Variants in GPR39 observed in about 807,000 individuals in gnomAD.
GPR39 encodes the protein zinc sensing receptor.
A neutral mutation model predicts 18.4 loss-of-function variants in GPR39; 23 were observed. That is an observed-to-expected ratio of 1.25 (90% CI 0.90 to 1.77). The LOEUF (loss-of-function observed/expected upper bound fraction) is 1.77. Among genes scored for constraint, GPR39 ranks in the 40% most tolerant of loss-of-function variants. The probability of loss-of-function intolerance (pLI) is 0.00; values close to 1 mark genes in which losing one functional copy is unlikely to be tolerated. For synonymous variants in GPR39, 280 were observed against 257.9 expected (o/e 1.09, Z -0.82); for missense variants, 647 against 602.4 (o/e 1.07, Z -0.78).
intron 1 of GPR39, among the ~76,000 whole-genome samples, chr2:132,430,128 G>C (rs1306856987): frequency 1.3e-5 from 2 of 152,210 alleles, no homozygotes; most frequent in African/African-American, 2.4e-5. Context: ...GCACAGGTGT[G>C]GAAGTGATCA....
chr2:132,626,929 A>G (rs1043037856), intron 1 of GPR39, among the ~76,000 whole-genome samples: 2 of 152,188 alleles, frequency 1.3e-5, no homozygotes, highest in African/African-American at 4.8e-5. Context: ...GGCTCAAACA[A>G]TATTAGAAAT....
rs1681376925 is a variant in GPR39, at chr2:132,488,052, A to G, written c.856+70154A>G. Among the ~76,000 whole-genome samples, 4 of 152,316 alleles carry G rather than the reference A, an allele frequency of 2.6e-5. No individual in the cohort carries two copies. In the East Asian group the frequency reaches 5.8e-4, roughly 22 times the overall value. On this transcript the variant is annotated intron_variant, in intron 1 of 1. Coordinates refer to ENST00000329321, the MANE Select transcript of GPR39 (RefSeq NM_001508.3). ...ATATAGCTTTCAAAGAAAACAGCCC[A>G]TTTTTAGGTCCTATTTGCCTTCCAT...
At chr2:132,445,686 A>T (rs916112425) in intron 1 of GPR39, among the ~76,000 whole-genome samples, 5 of 152,246 alleles carry the variant, frequency 3.3e-5, no homozygotes, top group African/African-American at 9.6e-5. Flanking sequence ...CATACCTGTG[A>T]TTTATTTTTC....
chr2:132,492,574 T>TATATATACACACCATATATATACC (rs1185709612), intron 1 of GPR39, among the ~76,000 whole-genome samples: 6 of 137,712 alleles, frequency 4.4e-5, no homozygotes, highest in Non-Finnish European at 9.2e-5. Flanking sequence ...ATATATACCA[T>TATATATACACACCATATATATACC]ATATATACAC....
Position 132,645,259 on chromosome 2 carries a change from A to T in GPR39, c.1015A>T (p.Ile339Phe), listed in dbSNP as rs574500395. Residue 339 changes from isoleucine (I) to phenylalanine (F), a missense_variant, in exon 2 of 2, where the codon ATC (isoleucine) becomes TTC (phenylalanine). By Grantham distance (21) the Ile-to-Phe change is conservative. Around this residue, in one of 3 missense-constraint regions of GPR39, gnomAD observed 581 missense variants for 506.8 expected, o/e 1.15. Transcript: ENST00000329321. ...SETFFYLSSV[I>F]NPLLYTVSSQ... ...GACGTTTTTCTACCTCAGCTCGGTC[A>T]TCAACCCGCTCCTGTACACGGTGTC... 5.0e-6 allele frequency: 8 copies of T among 1,614,164 alleles called. No individual in the cohort carries two copies. The South Asian group carries it at 7.7e-5, about 16-fold the overall frequency.
At chr2:132,602,936 G>A (rs1158370973) in intron 1 of GPR39, among the ~76,000 whole-genome samples, 9 of 150,716 alleles carry the variant, frequency 6.0e-5, no homozygotes, top group Non-Finnish European at 1.3e-4. Context: ...TACTGTTGGT[G>A]ATCATGTAAA....
At chr2:132,533,933 C>G (rs962454406) in intron 1 of GPR39, among the ~76,000 whole-genome samples, 1 of 152,134 alleles carries the variant, frequency 6.6e-6, no homozygotes, top group Non-Finnish European at 1.5e-5. Context: ...TAGGCATGGG[C>G]AAGGACTTCA....
At chr2:132,631,598 T>C (rs1681650857) in intron 1 of GPR39, among the ~76,000 whole-genome samples, 1 of 152,144 alleles carries the variant, frequency 6.6e-6, no homozygotes, top group Admixed American at 6.5e-5. Flanking sequence ...CTCCCGTCAG[T>C]TGATTTTGTT....
intron 1 of GPR39, among the ~76,000 whole-genome samples, chr2:132,515,442 G>A (rs1407792470): frequency 1.3e-5 from 2 of 152,200 alleles, no homozygotes; most frequent in Non-Finnish European, 2.9e-5. Flanking sequence ...TAGATATTGA[G>A]TGACTGCTGA....
intron 1 of GPR39, among the ~76,000 whole-genome samples, chr2:132,555,678 A>G (rs1680138440): frequency 6.6e-6 from 1 of 152,200 alleles, no homozygotes; most frequent in South Asian, 2.1e-4. Context: ...ATAGACCACC[A>G]GTGATTCAAT....
intron 1 of GPR39, among the ~76,000 whole-genome samples, chr2:132,493,020 CTA>C (rs199550248): frequency 0.041 from 5,612 of 138,072 alleles, 404 homozygotes; most frequent in African/African-American, 0.14. Context: ...ACTATATATA[CTA>C]TATATATACC....
intron 1 of GPR39, among the ~76,000 whole-genome samples, chr2:132,427,336 T>A (rs542998766): frequency 7.4e-4 from 109 of 148,216 alleles, no homozygotes; most frequent in East Asian, 2.0e-3. Flanking sequence ...GCTAATATAT[T>A]TTTTTTTATT....
chr2:132,469,490 G>A (rs570966909), intron 1 of GPR39, among the ~76,000 whole-genome samples: 1 of 152,348 alleles, frequency 6.6e-6, no homozygotes, highest in East Asian at 1.9e-4. Context: ...ATGTGTAATT[G>A]AATCGCAAAT....
chr2:132,511,248 CA>C, intron 1 of GPR39, among the ~76,000 whole-genome samples: 1 of 152,130 alleles, frequency 6.6e-6, no homozygotes, highest in East Asian at 1.9e-4. Context: ...TATTTTATAA[CA>C]CTTTGGAATT....
intron 1 of GPR39, among the ~76,000 whole-genome samples, chr2:132,598,689 AG>A (rs2104838870): frequency 6.6e-6 from 1 of 152,212 alleles, no homozygotes; most frequent in African/African-American, 2.4e-5. Flanking sequence ...CCAGTCCACC[AG>A]GGAGCCTAGA....
chr2:132,560,910 G>C (rs1680240272), intron 1 of GPR39, among the ~76,000 whole-genome samples: 1 of 143,700 alleles, frequency 7.0e-6, no homozygotes, highest in African/African-American at 2.6e-5. Flanking sequence ...GTTTTGTTTT[G>C]TTTTTTGCTT....
chr2:132,609,770 T>C (rs1485573954), intron 1 of GPR39, among the ~76,000 whole-genome samples: 2 of 152,208 alleles, frequency 1.3e-5, no homozygotes, highest in South Asian at 4.1e-4. Context: ...AAAACAAATC[T>C]GGGTCCCAGT....
chr2:132,482,223 G>A (rs929718837), intron 1 of GPR39, among the ~76,000 whole-genome samples: 5 of 152,160 alleles, frequency 3.3e-5, no homozygotes, highest in African/African-American at 9.7e-5. Flanking sequence ...TGTGTCATGG[G>A]AATTCACTTC....
At chr2:132,512,058 C>G (rs571525863) in intron 1 of GPR39, among the ~76,000 whole-genome samples, 1 of 152,282 alleles carries the variant, frequency 6.6e-6, no homozygotes, top group Non-Finnish European at 1.5e-5. Flanking sequence ...CTGTGTTCAC[C>G]TGGGGGCTCC....
Sources: gnomAD v4.1 joint callset for allele counts (sites outside exome capture counted in the v4.1 genomes callset) on GRCh38, gnomAD v4.1.1 for gene constraint, gnomAD v4.1.1 regional missense constraint, MANE v1.5 for transcripts, NCBI Gene and HGNC (gene_info 2026-07-23, HGNC 2026-07-21) for gene names.